WWOX: variants seen among roughly 807,000 people sequenced by gnomAD.
WWOX encodes the protein WW domain containing oxidoreductase.
In WWOX, 69 loss-of-function variants were observed where a neutral mutation model predicts 46.2. The ratio of observed to expected loss-of-function variants is 1.49; its 90% CI spans 1.23 to 1.82. The LOEUF is 1.82. Ranked by LOEUF, WWOX falls within the 40% of genes most tolerant of loss-of-function variation. The pLI is 0.00. For missense variants in WWOX, 919 were observed against 542.6 expected (o/e 1.69, Z -6.89); for synonymous variants, 359 against 202.6 (o/e 1.77, Z -6.56).
intron 8 of WWOX, chr16:79,004,784 C>T (rs570604444): frequency 6.6e-6 from 1 of 152,332 alleles, no homozygotes; most frequent in South Asian, 2.1e-4. Context: ...AAATTAGAGA[C>T]TCCATATACC....
intron 8 of WWOX, among the ~76,000 whole-genome samples, chr16:78,851,721 C>G (rs1304993719): frequency 6.6e-6 from 1 of 152,106 alleles, no homozygotes; most frequent in Non-Finnish European, 1.5e-5. Flanking sequence ...TTTTTATTTT[C>G]AAATGAAGTG....
intron 8 of WWOX, among the ~76,000 whole-genome samples, chr16:78,600,071 G>A (rs1254056367): frequency 6.6e-6 from 1 of 152,110 alleles, no homozygotes; most frequent in Non-Finnish European, 1.5e-5. Context: ...TATCTTACAT[G>A]GTTGGCAGCA....
rs1389166701 is a variant in WWOX at position 78,953,567 on chromosome 16, A to G, written c.1057-258041A>G. Among the ~76,000 whole-genome samples, 3 of 152,290 alleles carry G rather than the reference A, an allele frequency of 2.0e-5. No homozygotes were observed. In the East Asian group the frequency reaches 5.8e-4, roughly 29 times the overall value. On this transcript the variant is annotated intron_variant, in intron 8 of 8. Coordinates refer to ENST00000566780, the MANE Select transcript of WWOX (RefSeq NM_016373.4). ...TCAGAGTCATTGCCCCAGGGGACTC[A>G]TTGACGGCAGAGAGTGTGTCCCCTC...
chr16:78,965,301 G>T (rs956314168), intron 8 of WWOX, among the ~76,000 whole-genome samples: 1 of 152,186 alleles, frequency 6.6e-6, no homozygotes, highest in Non-Finnish European at 1.5e-5. Flanking sequence ...AGACACGGTG[G>T]CTCATGCCTA....
At chr16:78,792,871 C>G (rs879620968) in intron 8 of WWOX, among the ~76,000 whole-genome samples, 6 of 152,082 alleles carry the variant, frequency 3.9e-5, no homozygotes, top group Non-Finnish European at 5.9e-5. Context: ...TTAGCAGTAA[C>G]AGAATCCACA....
intron 8 of WWOX, among the ~76,000 whole-genome samples, chr16:79,075,171 C>T (rs2048631430): frequency 6.6e-6 from 1 of 152,212 alleles, no homozygotes; most frequent in Admixed American, 6.5e-5. Context: ...CTCTGGAAGG[C>T]ATCCTAAGAG....
At chr16:78,966,053 A>T (rs1434574893) in intron 8 of WWOX, among the ~76,000 whole-genome samples, 3 of 152,184 alleles carry the variant, frequency 2.0e-5, no homozygotes, top group African/African-American at 4.8e-5. Context: ...TCAATTTTGG[A>T]TACACTGTGT....
At chr16:78,711,750 G>C (rs529148365) in intron 8 of WWOX, among the ~76,000 whole-genome samples, 1 of 152,266 alleles carries the variant, frequency 6.6e-6, no homozygotes, top group South Asian at 2.1e-4. Flanking sequence ...GCTTTACTAT[G>C]AGTATTGACC....
rs143961163 is a variant in WWOX at position 78,332,297 on chromosome 16, C to T, written c.517-54563C>T. On this transcript the variant is annotated intron_variant, in intron 5 of 8. Transcript: ENST00000566780. Reference sequence around the variant, plus strand: ...TCTCTGCTTCCGCATTTCTAAAATCCTTCCCAGAGAATTATTTGACTAGTT... The same window carrying T: ...TCTCTGCTTCCGCATTTCTAAAATCTTTCCCAGAGAATTATTTGACTAGTT... Among the ~76,000 whole-genome samples, 452 of 152,240 alleles carry T rather than the reference C, an allele frequency of 3.0e-3. 4 individuals carry two copies. Among genetic ancestry groups the T allele is most frequent in the African/African-American group, 0.01 (431 of 41,542 alleles).
intron 8 of WWOX, among the ~76,000 whole-genome samples, chr16:79,003,146 T>G (rs921662712): frequency 6.6e-6 from 1 of 152,200 alleles, no homozygotes. Context: ...CTCTCCAATT[T>G]ACATGTTTGT....
At chr16:78,907,173 G>T (rs955897679) in intron 8 of WWOX, among the ~76,000 whole-genome samples, 2 of 152,064 alleles carry the variant, frequency 1.3e-5, no homozygotes, top group African/African-American at 2.4e-5. Context: ...ACTGCTGATG[G>T]GCTGTGGATG....
At chr16:78,711,082 A>G (rs188780781) in intron 8 of WWOX, among the ~76,000 whole-genome samples, 4 of 152,200 alleles carry the variant, frequency 2.6e-5, no homozygotes, top group African/African-American at 9.6e-5. Context: ...GTAAGTTATA[A>G]AGAGAGATTA....
At chr16:78,483,933 A>C (rs1326382796) in intron 8 of WWOX, among the ~76,000 whole-genome samples, 6 of 152,206 alleles carry the variant, frequency 3.9e-5, no homozygotes, top group Non-Finnish European at 8.8e-5. Flanking sequence ...GCTGTGACAG[A>C]ACACGTGGCC....
chr16:78,948,083 A>C (rs78053683), intron 8 of WWOX, among the ~76,000 whole-genome samples: 2,318 of 152,110 alleles, frequency 0.015, 59 homozygotes, highest in African/African-American at 0.054. Context: ...AGAGAGTTCA[A>C]CTCCATCCGT....
At chr16:78,416,463 T>A (rs564076523) in intron 6 of WWOX, among the ~76,000 whole-genome samples, 13 of 152,334 alleles carry the variant, frequency 8.5e-5, no homozygotes, top group African/African-American at 3.1e-4. Flanking sequence ...GATACATATT[T>A]TGCCTCTGGA....
At chr16:79,069,122 C>A (rs1478405752) in intron 8 of WWOX, among the ~76,000 whole-genome samples, 1 of 152,184 alleles carries the variant, frequency 6.6e-6, no homozygotes, top group Non-Finnish European at 1.5e-5. Flanking sequence ...CGTGTGACAT[C>A]TCACTTCGGG....
At chr16:78,401,569 A>C (rs1386564829) in intron 6 of WWOX, among the ~76,000 whole-genome samples, 1 of 152,094 alleles carries the variant, frequency 6.6e-6, no homozygotes, top group Non-Finnish European at 1.5e-5. Flanking sequence ...GAGAGACCTT[A>C]AGTCTGCTTT....
chr16:78,790,217 AC>A (rs1323948771), intron 8 of WWOX, among the ~76,000 whole-genome samples: 1 of 152,060 alleles, frequency 6.6e-6, no homozygotes, highest in African/African-American at 2.4e-5. Context: ...GCTCACTGCA[AC>A]CTGCTTCCTG....
chr16:79,077,731 A>G (rs895221705), intron 8 of WWOX, among the ~76,000 whole-genome samples: 5 of 151,966 alleles, frequency 3.3e-5, no homozygotes, highest in Non-Finnish European at 5.9e-5. Context: ...GTAAGAAATA[A>G]TAATCTTTCC....
Sources: allele counts gnomAD v4.1 joint callset (sites outside exome capture counted in the v4.1 genomes callset), GRCh38; gene constraint gnomAD v4.1.1; transcripts MANE v1.5; gene names NCBI Gene and HGNC (gene_info 2026-07-23, HGNC 2026-07-21).